Variants in ZNF385D observed in about 807,000 individuals in gnomAD.
The protein encoded by ZNF385D is zinc finger protein 385D.
ZNF385D carries 15 observed loss-of-function variants against 35.8 expected under a neutral mutation model. That is an observed-to-expected ratio of 0.42 (90% CI 0.28 to 0.64). The LOEUF is 0.64. Ranked by LOEUF, ZNF385D falls within the 30% of genes least tolerant of loss-of-function variation. The probability of loss-of-function intolerance (pLI) is 0.23; values close to 1 mark genes in which losing one functional copy is unlikely to be tolerated. For missense variants in ZNF385D, 474 were observed against 494.6 expected (o/e 0.96, Z 0.39); for synonymous variants, 212 against 186.8 (o/e 1.13, Z -1.10).
chr3:21,451,055 CAT>C (rs1170731793), intron 4 of ZNF385D, among the ~76,000 whole-genome samples: 2 of 152,166 alleles, frequency 1.3e-5, no homozygotes, highest in South Asian at 2.1e-4. Context: ...GTAAGAGACA[CAT>C]GTCTTATTTC....
intron 2 of ZNF385D, among the ~76,000 whole-genome samples, chr3:22,225,401 G>A (rs1698495801): frequency 6.6e-6 from 1 of 152,100 alleles, no homozygotes; most frequent in African/African-American, 2.4e-5. Context: ...AGCCCACCCT[G>A]AACCCATGTG....
intron 2 of ZNF385D, among the ~76,000 whole-genome samples, chr3:22,198,877 C>T (rs1379785114): frequency 6.6e-6 from 1 of 152,078 alleles, no homozygotes; most frequent in Non-Finnish European, 1.5e-5. Context: ...TCATCATATT[C>T]CCCTCGTGAT....
intron 1 of ZNF385D, among the ~76,000 whole-genome samples, chr3:21,721,749 G>C (rs1383093970): frequency 6.6e-6 from 1 of 152,112 alleles, no homozygotes; most frequent in Non-Finnish European, 1.5e-5. Flanking sequence ...GATCATCATG[G>C]AGTCTGGAGC....
intron 1 of ZNF385D, among the ~76,000 whole-genome samples, chr3:21,748,246 G>C (rs1169049410): frequency 6.6e-6 from 1 of 152,142 alleles, no homozygotes; most frequent in African/African-American, 2.4e-5. Context: ...ACAAACATGA[G>C]CTGTTCTTGA....
At chr3:22,112,888 C>A (rs1438560287) in intron 3 of ZNF385D, among the ~76,000 whole-genome samples, 2 of 152,106 alleles carry the variant, frequency 1.3e-5, no homozygotes, top group Non-Finnish European at 2.9e-5. Context: ...AGGTCCACTT[C>A]AGTAAATCCA....
At chr3:22,180,852 G>T (rs1695198323) in intron 2 of ZNF385D, among the ~76,000 whole-genome samples, 1 of 149,274 alleles carries the variant, frequency 6.7e-6, no homozygotes, top group Admixed American at 6.7e-5. Context: ...TAACAGTAAG[G>T]CTAAGAGGAG....
At chr3:22,332,148 A>T (rs1393212321) in intron 2 of ZNF385D, among the ~76,000 whole-genome samples, 4 of 152,174 alleles carry the variant, frequency 2.6e-5, no homozygotes, top group Non-Finnish European at 5.9e-5. Context: ...AGGAGGCCTA[A>T]CAAGACCTGG....
At chr3:21,642,886 A>C (rs1307384714) in intron 2 of ZNF385D, among the ~76,000 whole-genome samples, 1 of 152,132 alleles carries the variant, frequency 6.6e-6, no homozygotes, top group Non-Finnish European at 1.5e-5. Flanking sequence ...TCATACCTAC[A>C]GTAGTCAAAT....
rs57457479 is a variant in ZNF385D, at chr3:22,126,310, G to GT, written c.325+42506dup. On this transcript the variant is annotated intron_variant, in intron 3 of 5. Transcript: ENST00000494108. The stretch of plus-strand genomic sequence containing the variant: ...TCATTAGGTTATGTATTTGAAAGTT[G>GT]TTTTTTTTTTTTTTTTTTTTCACTT... 6.0e-3 allele frequency among the ~76,000 whole-genome samples: 601 copies of GT among 100,134 alleles called. 5 individuals are homozygous for GT. Among genetic ancestry groups the GT allele is most frequent in the East Asian group, 0.017 (50 of 2,898 alleles). The allele number at this position is 100,134 out of a possible 152,430, so 65.7% of individuals were successfully genotyped here.
At chr3:21,930,031 C>G (rs765687065) in intron 3 of ZNF385D, among the ~76,000 whole-genome samples, 1 of 152,020 alleles carries the variant, frequency 6.6e-6, no homozygotes, top group Non-Finnish European at 1.5e-5. Context: ...TCACACTTCT[C>G]AATTTCAAAA....
intron 3 of ZNF385D, among the ~76,000 whole-genome samples, chr3:21,810,647 C>T (rs4858021): frequency 0.73 from 111,267 of 151,868 alleles, 41,852 homozygotes; most frequent in Non-Finnish European, 0.81. Flanking sequence ...ATGGAGAGTA[C>T]TGAGATTAAA....
At chr3:22,217,466 A>T (rs140413793) in intron 2 of ZNF385D, among the ~76,000 whole-genome samples, 1 of 152,140 alleles carries the variant, frequency 6.6e-6, no homozygotes, top group African/African-American at 2.4e-5. Context: ...GGTGCACTTC[A>T]CTCCAGTATG....
At chr3:21,743,936 T>C (rs2069639269) in intron 1 of ZNF385D, among the ~76,000 whole-genome samples, 1 of 152,234 alleles carries the variant, frequency 6.6e-6, no homozygotes, top group African/African-American at 2.4e-5. Flanking sequence ...CACAAACGCA[T>C]ATTGGATCCC....
At chr3:21,831,939 G>A (rs1200929630) in intron 3 of ZNF385D, among the ~76,000 whole-genome samples, 1 of 152,032 alleles carries the variant, frequency 6.6e-6, no homozygotes, top group Non-Finnish European at 1.5e-5. Context: ...TATGAGAAAT[G>A]GGCTAATAAA....
At chr3:21,733,238 G>A (rs1309693845) in intron 1 of ZNF385D, among the ~76,000 whole-genome samples, 1 of 151,668 alleles carries the variant, frequency 6.6e-6, no homozygotes, top group East Asian at 1.9e-4. Context: ...CTGTTCTATT[G>A]ACCTATTGTT....
intron 2 of ZNF385D, among the ~76,000 whole-genome samples, chr3:21,587,730 T>G (rs1373299813): frequency 1.3e-5 from 2 of 152,058 alleles, no homozygotes; most frequent in East Asian, 1.9e-4. Context: ...GTAACAGACT[T>G]TGAGTAACGT....
chr3:22,217,709 G>A (rs964430238), intron 2 of ZNF385D, among the ~76,000 whole-genome samples: 3 of 152,082 alleles, frequency 2.0e-5, no homozygotes, highest in African/African-American at 7.2e-5. Flanking sequence ...GCATATTTTG[G>A]GGAGAATGAT....
intron 3 of ZNF385D, among the ~76,000 whole-genome samples, chr3:22,095,019 C>A (rs1471457210): frequency 1.3e-5 from 2 of 151,894 alleles, no homozygotes; most frequent in Admixed American, 6.6e-5. Flanking sequence ...GCAATCCTCC[C>A]ACCTCAGACT....
chr3:21,940,503 T>C (rs1010725898), intron 3 of ZNF385D, among the ~76,000 whole-genome samples: 12 of 152,210 alleles, frequency 7.9e-5, no homozygotes, highest in African/African-American at 2.4e-4. Context: ...TCGTTCAACA[T>C]TCAAGTCAAC....
Sources: allele counts gnomAD v4.1 joint callset (sites outside exome capture counted in the v4.1 genomes callset), GRCh38; gene constraint gnomAD v4.1.1; transcripts MANE v1.5; gene names NCBI Gene and HGNC (gene_info 2026-07-23, HGNC 2026-07-21).